Variants in KDSR observed in about 807,000 individuals in gnomAD.
The protein encoded by KDSR is 3-ketodihydrosphingosine reductase, also known as 3-dehydrosphinganine reductase.
A neutral mutation model predicts 41.3 loss-of-function variants in KDSR; 23 were observed. The ratio of observed to expected loss-of-function variants is 0.56; its 90% CI spans 0.40 to 0.79. The LOEUF is 0.79. Ranked by LOEUF, KDSR falls within the 30% of genes least tolerant of loss-of-function variation. KDSR has a pLI of 0.00. For synonymous variants in KDSR, 138 were observed against 151.7 expected (o/e 0.91, Z 0.66); for missense variants, 351 against 416.8 (o/e 0.84, Z 1.37).
Position 63,328,744 on chromosome 18 carries a change from A to G in KDSR, c.*3038T>C, listed in dbSNP as rs1748011756. 1.1e-5 allele frequency: 2 copies of G among 179,970 alleles called. No homozygotes were observed. The highest frequency in any genetic ancestry group is 9.2e-5 in the East Asian group (1 of 10,886). 11.1% of individuals were successfully genotyped at this position (179,970 alleles called of 1,614,324 possible). On this transcript the variant is annotated 3_prime_UTR_variant, in exon 10 of 10. Transcript: ENST00000645214. ...TAAAAAGAAGTAAGGATTGTTTTCT[A>G]TATATTTTTCAATTATGAAGTCCTT...
intron 7 of KDSR, among the ~76,000 whole-genome samples, chr18:63,342,358 C>G (rs759233221): frequency 8.6e-5 from 13 of 151,944 alleles, no homozygotes; most frequent in Admixed American, 8.5e-4. Context: ...GAGAAGGGAA[C>G]GTGCAGTGTG....
intron 8 of KDSR, among the ~76,000 whole-genome samples, chr18:63,337,138 G>GT (rs1914198170): frequency 1.1e-5 from 1 of 90,152 alleles, no homozygotes; most frequent in Admixed American, 1.0e-4. Flanking sequence ...ATATATATAT[G>GT]GAGTTTTGCT....
In KDSR at chr18:63,366,997, A is replaced by G; in HGVS notation, c.108+14T>C. On this transcript the variant is annotated intron_variant, in intron 1 of 9. Transcript: ENST00000645214. ...GGCCGGTAAGTCGGGGGGCAGCAAC[A>G]GGAGGCCACTCACCACCACATGCGC... 1 of 1,277,480 alleles carries G rather than the reference A, an allele frequency of 7.8e-7. No homozygotes were observed. Among genetic ancestry groups the G allele is most frequent in the Non-Finnish European group, 1.0e-6 (1 of 991,084 alleles). The allele number at this position is 1,277,480 out of a possible 1,614,324, so 79.1% of individuals were successfully genotyped here.
intron 6 of KDSR, among the ~76,000 whole-genome samples, chr18:63,348,784 A>G (rs762076170): frequency 5.9e-5 from 9 of 152,192 alleles, no homozygotes; most frequent in Non-Finnish European, 1.0e-4. Context: ...TAAATTAGTG[A>G]ATGCTGACAC....
chr18:63,341,122 T>A (rs1914328853), intron 7 of KDSR, among the ~76,000 whole-genome samples: 1 of 152,002 alleles, frequency 6.6e-6, no homozygotes, highest in African/African-American at 2.4e-5. Context: ...CACTCTTAAA[T>A]ATGGACAATC....
At position 63,344,590 on chromosome 18, in the gene KDSR, G is replaced by A. The variant is rs35585697; in HGVS notation, c.610-97C>T. On this transcript the variant is annotated intron_variant, in intron 6 of 9. Coordinates refer to ENST00000645214, the MANE Select transcript of KDSR (RefSeq NM_002035.4). ...TGGCTGCCCTGATTCCCAAAAAGCG[G>A]TGAGAACAATGGGGTGATTCTGTTA... is the stretch of plus-strand genomic sequence containing the variant. 3 of 798,262 alleles carry A rather than the reference G, an allele frequency of 3.8e-6. No individual in the cohort carries two copies. The East Asian group carries it at 7.6e-5, about 20-fold the overall frequency. The allele number at this position is 798,262 out of a possible 1,614,324, so 49.4% of individuals were successfully genotyped here.
At chr18:63,340,230 A>G (rs1009141445) in intron 7 of KDSR, among the ~76,000 whole-genome samples, 2 of 152,238 alleles carry the variant, frequency 1.3e-5, no homozygotes, top group African/African-American at 4.8e-5. Flanking sequence ...CTTCAAACTA[A>G]AAGACTGCAT....
At chr18:63,364,546 C>T (rs1426498891) in intron 1 of KDSR, among the ~76,000 whole-genome samples, 19 of 151,962 alleles carry the variant, frequency 1.3e-4, no homozygotes, top group Non-Finnish European at 2.6e-4. Context: ...CAGGTTCAAG[C>T]GATTCTCTTG....
At chr18:63,366,280 A>C (rs1915132832) in intron 1 of KDSR, 1 of 152,322 alleles carries the variant, frequency 6.6e-6, no homozygotes, top group South Asian at 2.1e-4. Context: ...CCTCGCACAC[A>C]AGCCTTGTCG....
intron 8 of KDSR, chr18:63,335,585 A>G: frequency 2.1e-6 from 1 of 484,962 alleles, no homozygotes; most frequent in Non-Finnish European, 3.7e-6. Context: ...TGATTGTCCT[A>G]ATAACACTAA....
chr18:63,331,659 A>G lies in KDSR; in HGVS notation c.*123T>C. 3 of 862,256 alleles carry G rather than the reference A, an allele frequency of 3.5e-6. No individual in the cohort carries two copies. The highest frequency in any genetic ancestry group is 5.4e-6 in the Non-Finnish European group (3 of 556,950). 53.4% of individuals were successfully genotyped at this position (862,256 alleles called of 1,614,324 possible). On this transcript the variant is annotated 3_prime_UTR_variant, in exon 10 of 10. Coordinates refer to ENST00000645214, the MANE Select transcript of KDSR (RefSeq NM_002035.4). The stretch of plus-strand genomic sequence containing the variant: ...GCTTGCAGCCACATTCCTGAAGAGC[A>G]CTGGTCCAATCTGACGTATTCGAAA...
At position 63,331,582 on chromosome 18, in the gene KDSR, C is replaced by T; in HGVS notation, c.*200G>A. ...TAGAAAATCAAATGGTCTCCTATTC[C>T]ATATTTGCATAGTATTAATAATACT... On this transcript the variant is annotated 3_prime_UTR_variant, in exon 10 of 10. Transcript: ENST00000645214. The T allele has an allele frequency of 2.2e-6, 1 of 454,360 alleles. No individual in the cohort carries two copies. The highest frequency in any genetic ancestry group is 3.9e-6 in the Non-Finnish European group (1 of 256,706). The allele number at this position is 454,360 out of a possible 1,614,324, so 28.1% of individuals were successfully genotyped here.
chr18:63,363,876 T>C (rs371508349), intron 1 of KDSR, among the ~76,000 whole-genome samples: 1 of 152,200 alleles, frequency 6.6e-6, no homozygotes, highest in East Asian at 1.9e-4. Context: ...ACATAAATCA[T>C]GCTGGGAGGA....
At position 63,331,274 on chromosome 18, in the gene KDSR, G is replaced by GAGAGAGAGAGAA; in HGVS notation, c.*507_*508insTTCTCTCTCTCT. The GAGAGAGAGAGAA allele has an allele frequency of 6.5e-6, 1 of 153,438 alleles. No homozygotes were observed. The highest frequency in any genetic ancestry group is 1.3e-4 in the Admixed American group (1 of 7,828). The allele number at this position is 153,438 out of a possible 1,614,324, so 9.5% of individuals were successfully genotyped here. A position where few individuals can be genotyped will look rare whatever the true frequency, so the allele number is the denominator to read the frequency against. ...AAATACACAAAGAAAGAAAGAGAGA[G>GAGAGAGAGAGAA]AGAGAGAGAGACAGAGAGACAGAGA... is the stretch of plus-strand genomic sequence containing the variant. On this transcript the variant is annotated 3_prime_UTR_variant, in exon 10 of 10. Transcript: ENST00000645214.
intron 6 of KDSR, among the ~76,000 whole-genome samples, chr18:63,350,385 G>A (rs535905411): frequency 3.9e-5 from 6 of 152,290 alleles, no homozygotes; most frequent in African/African-American, 1.4e-4. Context: ...TATTGGGAGA[G>A]TCAAATTATT....
intron 6 of KDSR, among the ~76,000 whole-genome samples, chr18:63,350,271 G>T (rs564527853): frequency 2.4e-4 from 37 of 152,188 alleles, no homozygotes; most frequent in Non-Finnish European, 5.1e-4. Flanking sequence ...ACGCTATTTT[G>T]ATGCAAATCC....
intron 7 of KDSR, among the ~76,000 whole-genome samples, chr18:63,339,297 C>T (rs1914274981): frequency 1.3e-5 from 2 of 152,228 alleles, no homozygotes; most frequent in South Asian, 4.1e-4. Context: ...CCAGCAACTC[C>T]ATTCTGACCA....
At chr18:63,343,261 T>C (rs1165163348) in intron 7 of KDSR, among the ~76,000 whole-genome samples, 8 of 152,096 alleles carry the variant, frequency 5.3e-5, no homozygotes, top group African/African-American at 1.9e-4. Context: ...GGTCTTGCTA[T>C]GTTGCCTAGG....
chr18:63,350,081 A>G (rs1914619633), intron 6 of KDSR, among the ~76,000 whole-genome samples: 1 of 152,184 alleles, frequency 6.6e-6, no homozygotes, highest in African/African-American at 2.4e-5. Context: ...CTTAGCTCAC[A>G]TCCCTTGCGG....
Sources: allele counts gnomAD v4.1 joint callset (sites outside exome capture counted in the v4.1 genomes callset), GRCh38; gene constraint gnomAD v4.1.1; transcripts MANE v1.5; gene names NCBI Gene and HGNC (gene_info 2026-07-23, HGNC 2026-07-21).